Variants in SEMA6C observed in about 807,000 individuals in gnomAD.
SEMA6C encodes semaphorin 6C, also known as semaphorin-6C.
A neutral mutation model predicts 72.9 loss-of-function variants in SEMA6C; 37 were observed. The observed-to-expected ratio is 0.51, with a 90% CI of 0.39 to 0.67. SEMA6C has a LOEUF of 0.67. Among genes scored for constraint, SEMA6C ranks in the 30% least tolerant of loss-of-function variants. The pLI, the probability that SEMA6C is intolerant of heterozygous loss-of-function variation, is 0.00. For synonymous variants in SEMA6C, 578 were observed against 554.1 expected, an observed-to-expected ratio of 1.04 and a Z score of -0.61; for missense variants, 1,189 against 1,263.6, an observed-to-expected ratio of 0.94 and a Z score of 0.89.
intron 15 of SEMA6C, 113 bp from the exon 16 acceptor site, chr1:151,134,988 G>T: frequency 7.6e-7 from 1 of 1,318,586 alleles, no homozygotes; most frequent in Non-Finnish European, 1.1e-6. Context: ...ATTCTCTCCT[G>T]TCCACCTCAG....
chr1:151,143,124 G>A (rs953766866), intron 2 of SEMA6C, among the ~76,000 whole-genome samples: 1 of 152,144 alleles, frequency 6.6e-6, no homozygotes, highest in Admixed American at 6.6e-5. Flanking sequence ...AGACCCCCAC[G>A]GCACCCTGGG....
Position 151,132,801 on chromosome 1 carries a change from C to T in SEMA6C, c.2476G>A (p.Gly826Ser), listed in dbSNP as rs1681663691. The T allele has an allele frequency of 7.5e-7, 1 of 1,338,632 alleles. No homozygotes were observed. The highest frequency in any genetic ancestry group is 9.6e-7 in the Non-Finnish European group (1 of 1,043,268). The allele number at this position is 1,338,632 out of a possible 1,614,324, so 82.9% of individuals were successfully genotyped here. The change falls in exon 19 of 19, where the codon GGC (glycine) becomes AGC (serine). Residue 826 changes from glycine (G) to serine (S), a missense_variant. Gly to Ser is a moderately conservative substitution (Grantham distance 56). Around this residue, in one of 2 missense-constraint regions of SEMA6C, gnomAD observed 721 missense variants for 686.2 expected, o/e 1.05. Transcript: ENST00000368914. ...CGGGCGGGGGCAGAGGCGCACCTGC[C>T]CTCGGGGGGCACGTCCAGCCTCAGC... is the stretch of plus-strand genomic sequence containing the variant. ...SPLRLDVPPE[G>S]RCASAPARPA... is the part of the protein sequence containing the mutation.
In SEMA6C at chr1:151,132,916, G is replaced by C; in HGVS notation, c.2361C>G (p.Pro787=). The change falls in exon 19 of 19, where the codon CCC becomes CCG. Residue 787 remains proline (P), a synonymous_variant. Coordinates refer to ENST00000368914, the MANE Select transcript of SEMA6C (RefSeq NM_030913.6). ...GGAGCGCCCGCGAGGTTAAAGGGGC[G>C]GGGGGCTCGGCCCCCTTTCTGGGCG... The part of the protein sequence containing the change: ...PQPPRKGAEP[P]APLTSRALPP... 7.2e-7 allele frequency: 1 copy of C among 1,381,766 alleles called. No individual in the cohort carries two copies. Among genetic ancestry groups the C allele is most frequent in the East Asian group, 3.6e-5 (1 of 27,556 alleles). 85.6% of individuals were successfully genotyped at this position (1,381,766 alleles called of 1,614,324 possible).
rs1157227181 is a variant in SEMA6C, at chr1:151,138,672, G to A, written c.414C>T (p.Ala138=). 3 of 1,614,114 alleles carry A rather than the reference G, an allele frequency of 1.9e-6. No individual in the cohort carries two copies. The highest frequency in any genetic ancestry group is 2.7e-5 in the African/African-American group (2 of 74,926). The change falls in exon 7 of 19, where the codon GCC becomes GCT. Residue 138 remains alanine (A), a synonymous_variant. Transcript: ENST00000368914. The part of the protein sequence containing the change: ...LVPWDSQTLL[A]CGTNSFSPVC... ...CAGGGCTGAATGAGTTCGTTCCACAGGCAAGGAGCGTCTGGGAGTCCCAGG... is the reference window on the plus strand; with the variant it reads ...CAGGGCTGAATGAGTTCGTTCCACAAGCAAGGAGCGTCTGGGAGTCCCAGG...
chr1:151,139,455 C>G lies in SEMA6C; in HGVS notation c.324G>C (p.Val108=). The change falls in exon 6 of 19, where the codon GTG becomes GTC. Residue 108 remains valine, a synonymous_variant. Coordinates refer to ENST00000368914, the MANE Select transcript of SEMA6C (RefSeq NM_030913.6). ...GCTTTCCCCGTACAGCACAGTTCTC[C>G]ACATCTTGGCTTCTCCATGTTAGAT... ...NKYLTWRSQD[V]ENCAVRGKLT... The G allele has an allele frequency of 6.2e-7, 1 of 1,614,148 alleles. No homozygotes were observed. Among genetic ancestry groups the G allele is most frequent in the Non-Finnish European group, 8.5e-7 (1 of 1,179,992 alleles).
At chr1:151,143,499 T>C (rs1292986080) in intron 2 of SEMA6C, among the ~76,000 whole-genome samples, 1 of 152,132 alleles carries the variant, frequency 6.6e-6, no homozygotes, top group African/African-American at 2.4e-5. Flanking sequence ...CCACCCCCTA[T>C]GAGAAGCCAG....
Position 151,136,897 on chromosome 1 carries a change from G to A in SEMA6C, c.934C>T (p.Arg312Cys), listed in dbSNP as rs200490816. Residue 312 changes from arginine (R) to cysteine (C), a missense_variant, in exon 11 of 19, where the codon CGC becomes TGC. Arg to Cys is a radical substitution (Grantham distance 180, BLOSUM62 -3). Coordinates refer to ENST00000368914, the MANE Select transcript of SEMA6C (RefSeq NM_030913.6). ...GTGAAGACCCCAAAGAGAGCAGAGC[G>A]GCCATGCAGGTTCACAGGCCCAGTC... ...ALTGPVNLHG[R>C]SALFGVFTTQ... The A allele has an allele frequency of 1.9e-5, 30 of 1,614,008 alleles. No homozygotes were observed. The Admixed American group carries it at 2.0e-4, about 11-fold the overall frequency.
chr1:151,132,813 C>G lies in SEMA6C; in HGVS notation c.2464G>C (p.Val822Leu). The G allele has an allele frequency of 2.3e-6, 3 of 1,313,322 alleles. No individual in the cohort carries two copies. The highest frequency in any genetic ancestry group is 1.6e-5 in the African/African-American group (1 of 63,710). The allele number at this position is 1,313,322 out of a possible 1,614,324, so 81.4% of individuals were successfully genotyped here. ...GAGGCGCACCTGCCCTCGGGGGGCA[C>G]GTCCAGCCTCAGCGGCGAGGCGCAC... ...HECASPLRLD[V>L]PPEGRCASAP... Residue 822 changes from valine (V) to leucine (L), a missense_variant, in exon 19 of 19, where the codon GTG (valine) becomes CTG (leucine). Physicochemically the swap from Val to Leu is conservative, Grantham distance 32. Around this residue, in one of 2 missense-constraint regions of SEMA6C, gnomAD observed 721 missense variants for 686.2 expected, o/e 1.05. Coordinates refer to ENST00000368914, the MANE Select transcript of SEMA6C (RefSeq NM_030913.6).
At chr1:151,134,141 G>A (rs1432983054) in intron 18 of SEMA6C, 3 of 995,310 alleles carry the variant, frequency 3.0e-6, no homozygotes, top group Non-Finnish European at 4.4e-6. Flanking sequence ...CCCTCCTGTG[G>A]AACCCAGGAG....
chr1:151,133,624 G>A lies in SEMA6C; in HGVS notation c.1760-107C>T, dbSNP rs1681768549. 4.9e-6 allele frequency: 7 copies of A among 1,426,778 alleles called. 1 individual carries two copies. Among genetic ancestry groups the A allele is most frequent in the South Asian group, 4.5e-5 (3 of 66,860 alleles). 88.4% of individuals were successfully genotyped at this position (1,426,778 alleles called of 1,614,324 possible). A position where few individuals can be genotyped will look rare whatever the true frequency, so the allele number is the denominator to read the frequency against. On this transcript the variant is annotated intron_variant, in intron 18 of 18. Coordinates refer to ENST00000368914, the MANE Select transcript of SEMA6C (RefSeq NM_030913.6). The surrounding 1 kb of genome is among the most constrained non-coding windows in gnomAD (Gnocchi z 5.9). ...CAGGCCTGACATCATCGTCCCTCCC[G>A]CTGCTACTCAGCCTCACTCCTACAG...
rs1001477370 is a variant in SEMA6C, at chr1:151,133,963, G to C, written c.1759+438C>G. The C allele has an allele frequency of 2.0e-6, 3 of 1,533,970 alleles. No individual in the cohort carries two copies. The Admixed American group carries it at 5.9e-5, about 30-fold the overall frequency. ...CTCTCCCAAGTAGCCCCCTTACCCC[G>C]AGTGTGAACTCCAAGAGTGGAAGAC... is the stretch of plus-strand genomic sequence containing the variant. On this transcript the variant is annotated intron_variant, in intron 18 of 18. Coordinates refer to ENST00000368914, the MANE Select transcript of SEMA6C (RefSeq NM_030913.6). This position sits in a 1 kb window ranked among gnomAD's most constrained non-coding sequence, Gnocchi z 5.9.
Position 151,131,789 on chromosome 1 carries a change from C to T in SEMA6C, c.*695G>A, listed in dbSNP as rs1035390250. The T allele has an allele frequency of 1.3e-5, 2 of 159,112 alleles. No individual in the cohort carries two copies. The highest frequency in any genetic ancestry group is 4.8e-5 in the African/African-American group (2 of 41,438). The allele number at this position is 159,112 out of a possible 1,614,324, so 9.9% of individuals were successfully genotyped here. On this transcript the variant is annotated 3_prime_UTR_variant, in exon 19 of 19. Transcript: ENST00000368914. Reference sequence around the variant, plus strand: ...CATAGACTAGGCCTTTAAGAAAGTCCCTCTTACCTCGATCTGGAAACGAGC... The same window carrying T: ...CATAGACTAGGCCTTTAAGAAAGTCTCTCTTACCTCGATCTGGAAACGAGC...
In SEMA6C at chr1:151,133,709, C is replaced by T. The variant is rs1681777377; in HGVS notation, c.1760-192G>A. ...CCTCAGCATACAGCCCACGCACTACCCCTCACACTCAGGCCAGAGCTTGGG... is the reference window on the plus strand; with the variant it reads ...CCTCAGCATACAGCCCACGCACTACTCCTCACACTCAGGCCAGAGCTTGGG... On this transcript the variant is annotated intron_variant, in intron 18 of 18. Transcript: ENST00000368914. This position sits in a 1 kb window ranked among gnomAD's most constrained non-coding sequence, Gnocchi z 5.9. 6.6e-6 allele frequency among the ~76,000 whole-genome samples: 1 copy of T among 152,228 alleles called. No homozygotes were observed. Among genetic ancestry groups the T allele is most frequent in the Non-Finnish European group, 1.5e-5 (1 of 68,038 alleles).
chr1:151,139,346 A>G, intron 6 of SEMA6C, 79 bp downstream of exon 6: 1 of 1,187,810 alleles, frequency 8.4e-7, no homozygotes. Context: ...GAAATTGGGC[A>G]TAGTAGAGGA....
rs1168306608 is a variant in SEMA6C at position 151,133,197 on chromosome 1, C to T, written c.2080G>A (p.Glu694Lys). 4 of 1,567,906 alleles carry T rather than the reference C, an allele frequency of 2.6e-6. No homozygotes were observed. The highest frequency in any genetic ancestry group is 2.6e-6 in the Non-Finnish European group (3 of 1,165,748). The stretch of plus-strand genomic sequence containing the variant: ...TCGGGGGTGGGCAGGCAGGCCAGCT[C>T]CGGCGGGGGCACGCCCTCCGGAGGC... ...LPPPEGVPPPELACLPTPEST... is the reference protein window; with the variant it reads ...LPPPEGVPPPKLACLPTPEST... Residue 694 changes from glutamate (E) to lysine (K), a missense_variant, in exon 19 of 19, where the codon GAG becomes AAG. Physicochemically the swap from Glu to Lys is moderately conservative, Grantham distance 56. Coordinates refer to ENST00000368914, the MANE Select transcript of SEMA6C (RefSeq NM_030913.6). The surrounding 1 kb of genome is among the most constrained non-coding windows in gnomAD (Gnocchi z 5.9).
rs148525450 is a variant in SEMA6C at position 151,135,184 on chromosome 1, G to A, written c.1559C>T (p.Ala520Val). The A allele has an allele frequency of 2.9e-5, 47 of 1,613,976 alleles. No homozygotes were observed. Among genetic ancestry groups the A allele is most frequent in the Middle Eastern group, 3.3e-4 (2 of 6,040 alleles). ...TCACCTCTGACAGGCCCCATGCCGG[G>A]CACACCGGCTGAGAGGGAGGTAGAC... Reference protein sequence around the residue: ...CIVYLPLSRCARHGACQRSCL... With the variant: ...CIVYLPLSRCVRHGACQRSCL... The change falls in exon 15 of 19, where the codon GCC (alanine) becomes GTC (valine). Residue 520 changes from alanine to valine, a missense_variant. Ala to Val is a moderately conservative substitution (Grantham distance 64). Transcript: ENST00000368914.
intron 18 of SEMA6C, chr1:151,134,141 G>C: frequency 1.0e-6 from 1 of 995,428 alleles, no homozygotes; most frequent in African/African-American, 1.6e-5. Flanking sequence ...CCCTCCTGTG[G>C]AACCCAGGAG....
In SEMA6C at chr1:151,142,672, G is replaced by A. The variant is rs369872028; in HGVS notation, c.-51C>T. 7.6e-6 allele frequency: 11 copies of A among 1,451,942 alleles called. No individual in the cohort carries two copies. The African/African-American group carries it at 8.6e-5, about 11-fold the overall frequency. The allele number at this position is 1,451,942 out of a possible 1,614,324, so 89.9% of individuals were successfully genotyped here. A position where few individuals can be genotyped will look rare whatever the true frequency, so the allele number is the denominator to read the frequency against. ...GGGGGTGCCCCCTCACCCATAAGCC[G>A]GCCCTGAAAGGGGAGACAGGGAAAA... On this transcript the variant is annotated 5_prime_UTR_variant, in exon 3 of 19. Transcript: ENST00000368914.
rs1245306238 is a variant in SEMA6C, at chr1:151,132,318, A to G, written c.*166T>C. Reference sequence around the variant, plus strand: ...TCTTCTGTCGAGGACAGGGGGAAAGACAGTCAATAAATAAACCCGAGGCGA... The same window carrying G: ...TCTTCTGTCGAGGACAGGGGGAAAGGCAGTCAATAAATAAACCCGAGGCGA... On this transcript the variant is annotated 3_prime_UTR_variant, in exon 19 of 19. Coordinates refer to ENST00000368914, the MANE Select transcript of SEMA6C (RefSeq NM_030913.6). The G allele has an allele frequency of 6.5e-7, 1 of 1,540,302 alleles. No individual in the cohort carries two copies. The highest frequency in any genetic ancestry group is 1.2e-5 in the South Asian group (1 of 83,136).
Sources: gnomAD v4.1 joint callset for allele counts (sites outside exome capture counted in the v4.1 genomes callset) on GRCh38, gnomAD v4.1.1 for gene constraint, gnomAD v4.1.1 regional missense constraint, Gnocchi (gnomAD v3.1) non-coding constraint, MANE v1.5 for transcripts, NCBI Gene and HGNC (gene_info 2026-07-23, HGNC 2026-07-21) for gene names.